The following BACE1 variants were observed in gnomAD, a reference collection of about 807,000 sequenced individuals.
BACE1 encodes the protein beta-secretase 1.
BACE1 carries 21 observed loss-of-function variants against 54.0 expected under a neutral mutation model. The observed-to-expected ratio is 0.39, with a 90% confidence interval of 0.28 to 0.56. The LOEUF (loss-of-function observed/expected upper bound fraction) is 0.56. Among genes scored for constraint, BACE1 ranks in the 20% least tolerant of loss-of-function variants. BACE1 has a pLI of 0.63. For missense variants in BACE1, 511 were observed against 661.2 expected, an observed-to-expected ratio of 0.77 and a Z score of 2.49; for synonymous variants, 232 against 260.9, an observed-to-expected ratio of 0.89 and a Z score of 1.07.
At chr11:117,294,985 T>A (rs1452692261) in intron 3 of BACE1, 146 bp downstream of exon 3, 3 of 820,908 alleles carry the variant, frequency 3.7e-6, no homozygotes, top group African/African-American at 3.4e-5. Flanking sequence ...GGGCTAAAAT[T>A]TAGACTGCCA....
intron 1 of BACE1, among the ~76,000 whole-genome samples, chr11:117,298,740 C>T (rs2034656808): frequency 6.6e-6 from 1 of 152,200 alleles, no homozygotes; most frequent in Admixed American, 6.5e-5. Flanking sequence ...CTTGTCAGGG[C>T]CCTGGATTTG....
Position 117,289,348 on chromosome 11 carries a change from G to C in BACE1, c.*218C>G, listed in dbSNP as rs189225075. On this transcript the variant is annotated 3_prime_UTR_variant, in exon 9 of 9. Coordinates refer to ENST00000313005, the MANE Select transcript of BACE1 (RefSeq NM_012104.6). ...GTGACCAAGAGTATTCCCGCCAGCA[G>C]AGTGCTTCTTTCTTCTCTTTTCTGT... 28 of 662,982 alleles carry C rather than the reference G, an allele frequency of 4.2e-5. No homozygotes were observed. The African/African-American group carries it at 4.5e-4, about 11-fold the overall frequency. 41.1% of individuals were successfully genotyped at this position (662,982 alleles called of 1,614,324 possible). A position where few individuals can be genotyped will look rare whatever the true frequency, so the allele number is the denominator to read the frequency against.
rs894513530 is a variant in BACE1, at chr11:117,288,300, G to A, written c.*1266C>T. The A allele has an allele frequency of 2.6e-5, 4 of 152,338 alleles. No individual in the cohort carries two copies. Among genetic ancestry groups the A allele is most frequent in the Non-Finnish European group, 4.4e-5 (3 of 68,048 alleles). 9.4% of individuals were successfully genotyped at this position (152,338 alleles called of 1,614,324 possible). On this transcript the variant is annotated 3_prime_UTR_variant, in exon 9 of 9. Coordinates refer to ENST00000313005, the MANE Select transcript of BACE1 (RefSeq NM_012104.6). ...CTCTTGGTATAATGCTAGTGCCACTGTGTGATGCTTTAGTCAAATAAATGG... is the reference window on the plus strand; with the variant it reads ...CTCTTGGTATAATGCTAGTGCCACTATGTGATGCTTTAGTCAAATAAATGG...
In BACE1 at chr11:117,315,233, G is replaced by A. The variant is rs1055774298; in HGVS notation, c.261+302C>T. On this transcript the variant is annotated intron_variant, in intron 1 of 8. Transcript: ENST00000313005. This position sits in a 1 kb window ranked among gnomAD's most constrained non-coding sequence, Gnocchi z 5.5. ...ACACCTGTTATAGTGCCCCTGTGGC[G>A]GACCCTTCCTCCAGGTCAGGGTCCC... 7.9e-5 allele frequency among the ~76,000 whole-genome samples: 12 copies of A among 152,166 alleles called. No individual in the cohort carries two copies. Among genetic ancestry groups the A allele is most frequent in the Non-Finnish European group, 1.5e-4 (10 of 68,020 alleles).
At chr11:117,294,215 A>T in intron 3 of BACE1, 1 of 396,770 alleles carries the variant, frequency 2.5e-6, no homozygotes, top group Non-Finnish European at 4.4e-6. Flanking sequence ...ACAGATTCAT[A>T]GATCTTTTTT....
chr11:117,297,121 G>A (rs908121016), intron 1 of BACE1, 160 bp from the exon 2 acceptor site: 5 of 599,252 alleles, frequency 8.3e-6, no homozygotes, highest in Admixed American at 3.2e-5. Context: ...TTACCACCAC[G>A]ACCACAGACA....
Position 117,293,107 on chromosome 11 carries a change from T to G in BACE1, c.787A>C (p.Ile263Leu), listed in dbSNP as rs145565779. 2.5e-6 allele frequency: 4 copies of G among 1,614,100 alleles called. No individual in the cohort carries two copies. In the East Asian group the frequency reaches 8.9e-5, roughly 36 times the overall value. ...PIRREWYYEV[I>L]IVRVEINGQD... ...CCATTGATCTCCACCCGCACAATGA[T>G]CACCTCATAATACCACTCCCGCCGG... The change falls in exon 5 of 9, where the codon ATC becomes CTC. Residue 263 changes from isoleucine (I) to leucine (L), a missense_variant. This residue lies in a region of BACE1 where 407 missense variants were observed against 565.7 expected (regional missense o/e 0.72). Coordinates refer to ENST00000313005, the MANE Select transcript of BACE1 (RefSeq NM_012104.6). The surrounding 1 kb of genome is among the most constrained non-coding windows in gnomAD (Gnocchi z 4.1).
In BACE1 at chr11:117,291,766, A is replaced by G; in HGVS notation, c.888T>C (p.Arg296=). ...SIVDSGTTNL[R]LPKKVFEAAV... ...CAGCTTCAAACACTTTCTTGGGCAA[A>G]CGAAGGTTGGTGGTGCCACTGTCCA... The change falls in exon 6 of 9, where the codon CGT becomes CGC. Residue 296 remains arginine (R), a synonymous_variant. Coordinates refer to ENST00000313005, the MANE Select transcript of BACE1 (RefSeq NM_012104.6). 1.9e-6 allele frequency: 3 copies of G among 1,613,512 alleles called. 1 individual carries two copies. The South Asian group carries it at 3.3e-5, about 18-fold the overall frequency.
intron 1 of BACE1, among the ~76,000 whole-genome samples, chr11:117,298,739 G>C (rs1308923471): frequency 3.3e-5 from 5 of 152,222 alleles, no homozygotes; most frequent in African/African-American, 1.2e-4. Context: ...TCTTGTCAGG[G>C]CCCTGGATTT....
Position 117,315,688 on chromosome 11 carries a change from GC to G in BACE1, c.107del (p.Gly36AlafsTer32). Reference sequence around the variant, plus strand: ...GGGGCAGCCGCAGCCCCAGGGGGGCGCCCCCCAGGCCGCTGCGCAGGGGCAG... The same window carrying G: ...GGGGCAGCCGCAGCCCCAGGGGGGCGCCCCCAGGCCGCTGCGCAGGGGCAG... ...IRLPLRSGLG[G>X]APLGLRLPRE... On this transcript the variant is annotated frameshift_variant, in exon 1 of 9. Coordinates refer to ENST00000313005, the MANE Select transcript of BACE1 (RefSeq NM_012104.6). LOFTEE classifies it high-confidence loss of function. The surrounding 1 kb of genome is among the most constrained non-coding windows in gnomAD (Gnocchi z 5.5). The G allele has an allele frequency of 1.3e-6, 2 of 1,512,696 alleles. No individual in the cohort carries two copies. The highest frequency in any genetic ancestry group is 1.8e-6 in the Non-Finnish European group (2 of 1,133,184). 93.7% of individuals were successfully genotyped at this position (1,512,696 alleles called of 1,614,324 possible). A position where few individuals can be genotyped will look rare whatever the true frequency, so the allele number is the denominator to read the frequency against.
At position 117,288,142 on chromosome 11, in the gene BACE1, A is replaced by G. The variant is rs1047857; in HGVS notation, c.*1424T>C. On this transcript the variant is annotated 3_prime_UTR_variant, in exon 9 of 9. Coordinates refer to ENST00000313005, the MANE Select transcript of BACE1 (RefSeq NM_012104.6). ...GGGGAGGGGAAGAACAGGATAGGGGAAAAAGATGACCTTCATCAAGGAGCT... is the reference window on the plus strand; with the variant it reads ...GGGGAGGGGAAGAACAGGATAGGGGGAAAAGATGACCTTCATCAAGGAGCT... 7,646 of 152,596 alleles carry G rather than the reference A, an allele frequency of 0.05. 298 individuals carry two copies. The highest frequency in any genetic ancestry group is 0.14 in the East Asian group (739 of 5,172). The allele number at this position is 152,596 out of a possible 1,614,324, so 9.5% of individuals were successfully genotyped here. A position where few individuals can be genotyped will look rare whatever the true frequency, so the allele number is the denominator to read the frequency against.
chr11:117,307,802 T>C (rs2034863566), intron 1 of BACE1, among the ~76,000 whole-genome samples: 1 of 152,148 alleles, frequency 6.6e-6, no homozygotes, highest in African/African-American at 2.4e-5. Context: ...GGATGAGTGC[T>C]CCAGCAAGGG....
intron 6 of BACE1, among the ~76,000 whole-genome samples, 195 bp from the exon 7 acceptor site, chr11:117,291,244 G>T (rs182174166): frequency 6.6e-6 from 1 of 151,808 alleles, no homozygotes; most frequent in African/African-American, 2.4e-5. Context: ...GGGGGATTGT[G>T]TGATGAGCAA....
At chr11:117,291,180 C>T in intron 6 of BACE1, 131 bp from the exon 7 acceptor site, 1 of 1,097,728 alleles carries the variant, frequency 9.1e-7, no homozygotes, top group Non-Finnish European at 1.3e-6. Context: ...GAGGGGTAAA[C>T]CAACCAGAGG....
chr11:117,293,278 G>T lies in BACE1; in HGVS notation c.706-90C>A. 7.1e-7 allele frequency: 1 copy of T among 1,401,364 alleles called. No individual in the cohort carries two copies. Among genetic ancestry groups the T allele is most frequent in the Non-Finnish European group, 9.8e-7 (1 of 1,025,482 alleles). The allele number at this position is 1,401,364 out of a possible 1,614,324, so 86.8% of individuals were successfully genotyped here. On this transcript the variant is annotated intron_variant, in intron 4 of 8. Transcript: ENST00000313005. This position sits in a 1 kb window ranked among gnomAD's most constrained non-coding sequence, Gnocchi z 4.1. ...CAAGCAATAAGATCAGTGATTTCTT[G>T]GGGTGGCAAGGTCTTCTACAGGCTA...
chr11:117,309,171 C>A (rs1312619314), intron 1 of BACE1, among the ~76,000 whole-genome samples: 1 of 152,154 alleles, frequency 6.6e-6, no homozygotes, highest in Non-Finnish European at 1.5e-5. Flanking sequence ...CTCTTTCAGG[C>A]CCCCGTATCC....
Position 117,295,311 on chromosome 11 carries a change from A to G in BACE1, c.387T>C (p.Tyr129=), listed in dbSNP as rs200137887. 14 of 1,613,984 alleles carry G rather than the reference A, an allele frequency of 8.7e-6. No homozygotes were observed. Among genetic ancestry groups the G allele is most frequent in the African/African-American group, 1.3e-5 (1 of 74,922 alleles). The change falls in exon 3 of 9, where the codon TAT becomes TAC. Residue 129 remains tyrosine, a synonymous_variant. Transcript: ENST00000313005. ...CCCACTTGCCCTGGGTGTAGGGCAC[A>G]TACACACCCTTCCGGAGGTCCCGGT... ...STYRDLRKGV[Y]VPYTQGKWEG...
intron 3 of BACE1, chr11:117,294,434 C>G (rs2034543816): frequency 6.4e-6 from 1 of 155,670 alleles, no homozygotes; most frequent in Admixed American, 6.4e-5. Flanking sequence ...CCATGTTGGT[C>G]AGGCTGGTCT....
intron 1 of BACE1, chr11:117,299,721 A>G (rs1330164788): frequency 1.6e-5 from 6 of 383,014 alleles, no homozygotes; most frequent in South Asian, 3.7e-5. Context: ...GAGAAAATCA[A>G]TAGAGCTGGG....
Sources: allele counts gnomAD v4.1 joint callset (sites outside exome capture counted in the v4.1 genomes callset), GRCh38; gene constraint gnomAD v4.1.1; regional missense constraint gnomAD v4.1.1; non-coding constraint Gnocchi (gnomAD v3.1); transcripts MANE v1.5; gene names NCBI Gene and HGNC (gene_info 2026-07-23, HGNC 2026-07-21).